Variants in PRELID2 observed in about 807,000 individuals in gnomAD.
PRELID2 encodes PRELI domain-containing protein 2.
In PRELID2, 25 loss-of-function variants were observed where a neutral mutation model predicts 28.4. The ratio of observed to expected loss-of-function variants is 0.88; its 90% confidence interval spans 0.64 to 1.23. PRELID2 has a LOEUF of 1.23. Ranked by LOEUF, PRELID2 falls within the 50% of genes most tolerant of loss-of-function variation. The pLI is 0.00. For missense variants in PRELID2, 201 were observed against 214.4 expected, an observed-to-expected ratio of 0.94 and a Z score of 0.39; for synonymous variants, 76 against 71.6, an observed-to-expected ratio of 1.06 and a Z score of -0.31.
At chr5:145,278,104 G>C in the PRELID2 span, among the ~76,000 whole-genome samples, 1 of 152,084 alleles carries the variant, frequency 6.6e-6, no homozygotes, top group African/African-American at 2.4e-5. Context: ...GCAATCTGAA[G>C]CCCAACATGC....
At chr5:145,318,340 A>T in the PRELID2 span, among the ~76,000 whole-genome samples, 1 of 152,060 alleles carries the variant, frequency 6.6e-6, no homozygotes, top group African/African-American at 2.4e-5. Flanking sequence ...CTTTACTAAA[A>T]CTCTCATGAC....
At chr5:145,616,394 CA>C (rs1182588103) in intron 1 of PRELID2, among the ~76,000 whole-genome samples, 1 of 152,124 alleles carries the variant, frequency 6.6e-6, no homozygotes, top group Non-Finnish European at 1.5e-5. Flanking sequence ...AGGTTGGTAT[CA>C]GGGGAAATTC....
At chr5:145,713,010 G>GA (rs1319838533) in intron 1 of PRELID2, among the ~76,000 whole-genome samples, 3 of 151,558 alleles carry the variant, frequency 2.0e-5, no homozygotes, top group South Asian at 2.1e-4. Flanking sequence ...AATACATACA[G>GA]AAAAAAGAAT....
the PRELID2 span, among the ~76,000 whole-genome samples, chr5:145,314,740 T>C: frequency 6.6e-6 from 1 of 152,008 alleles, no homozygotes; most frequent in African/African-American, 2.4e-5. Context: ...GCACTATAAA[T>C]TAAGGTCAAG....
chr5:145,709,046 C>G (rs1355335172), intron 1 of PRELID2, among the ~76,000 whole-genome samples: 1 of 152,230 alleles, frequency 6.6e-6, no homozygotes, highest in Non-Finnish European at 1.5e-5. Context: ...GATCCTATGG[C>G]ATAAACATGG....
chr5:145,504,532 G>A lies in PRELID2; in HGVS notation n.71-31217C>T, dbSNP rs548669122. Among the ~76,000 whole-genome samples the A allele has an allele frequency of 6.3e-4, 96 of 152,250 alleles. 3 individuals carry two copies. The highest frequency in any genetic ancestry group is 2.1e-3 in the African/African-American group (87 of 41,548). ...TTGAAATTTCTTTCAGTGGACAGATGACCACAGGCAGAACAGGTAAGGCAA... is the reference window on the plus strand; with the variant it reads ...TTGAAATTTCTTTCAGTGGACAGATAACCACAGGCAGAACAGGTAAGGCAA... On this transcript the variant is annotated intron_variant and non_coding_transcript_variant, in intron 1 of 2. Transcript: ENST00000510259.
chr5:145,441,205 ATAT>A, the PRELID2 span: 4 of 152,082 alleles, frequency 2.6e-5, no homozygotes, highest in African/African-American at 9.7e-5. Flanking sequence ...TGCAGCCCAA[ATAT>A]CTCTGGTTGA....
At chr5:145,235,406 G>A in the PRELID2 span, among the ~76,000 whole-genome samples, 1,468 of 152,216 alleles carry the variant, frequency 9.6e-3, 10 homozygotes, top group Non-Finnish European at 0.015. Flanking sequence ...AAGTACATTT[G>A]CTCCTTCAGT....
At chr5:145,790,402 T>C (rs966762330) in intron 5 of PRELID2, among the ~76,000 whole-genome samples, 8 of 152,000 alleles carry the variant, frequency 5.3e-5, no homozygotes, top group African/African-American at 1.9e-4. Flanking sequence ...GAAGGACAAA[T>C]ACCTCATATG....
chr5:145,287,042 C>T, the PRELID2 span, among the ~76,000 whole-genome samples: 2 of 152,172 alleles, frequency 1.3e-5, no homozygotes, highest in Admixed American at 1.3e-4. Flanking sequence ...AAACTGTATT[C>T]TCCTGTAAAT....
At chr5:145,539,761 G>A (rs1752731149) in intron 1 of PRELID2, among the ~76,000 whole-genome samples, 1 of 151,638 alleles carries the variant, frequency 6.6e-6, no homozygotes, top group Non-Finnish European at 1.5e-5. Context: ...AGCCCACTCT[G>A]TGGTGTTTTA....
the PRELID2 span, among the ~76,000 whole-genome samples, chr5:145,332,318 G>C: frequency 1.3e-5 from 2 of 152,118 alleles, no homozygotes; most frequent in South Asian, 2.1e-4. Flanking sequence ...GGTCTGTCTG[G>C]CTAGGCTGGG....
the PRELID2 span, among the ~76,000 whole-genome samples, chr5:145,455,795 G>A: frequency 6.6e-6 from 1 of 152,168 alleles, no homozygotes; most frequent in African/African-American, 2.4e-5. Context: ...AGGGGAGGGA[G>A]CTCCCTGACC....
At chr5:145,416,119 G>C in the PRELID2 span, among the ~76,000 whole-genome samples, 4 of 151,994 alleles carry the variant, frequency 2.6e-5, no homozygotes, top group Non-Finnish European at 5.9e-5. Context: ...CCCACTTTTT[G>C]ATGGGGTTGT....
chr5:145,528,455 G>C (rs1752626748), intron 1 of PRELID2, among the ~76,000 whole-genome samples: 1 of 152,094 alleles, frequency 6.6e-6, no homozygotes, highest in Non-Finnish European at 1.5e-5. Context: ...TCACCCAACA[G>C]AGAGCAGGTT....
At chr5:145,432,430 T>TAAAAAA in the PRELID2 span, among the ~76,000 whole-genome samples, 1 of 133,464 alleles carries the variant, frequency 7.5e-6, no homozygotes, top group Non-Finnish European at 1.6e-5. Context: ...CTCAAGTTGT[T>TAAAAAA]AAAAAAAAAA....
downstream of PRELID2, among the ~76,000 whole-genome samples, chr5:145,466,918 A>G (rs1752007488): frequency 6.6e-6 from 1 of 152,086 alleles, no homozygotes; most frequent in African/African-American, 2.4e-5. Flanking sequence ...CTGTCCATAA[A>G]AATGAAAAAT....
intron 1 of PRELID2, among the ~76,000 whole-genome samples, chr5:145,519,541 C>T (rs551234341): frequency 6.6e-6 from 1 of 152,308 alleles, no homozygotes; most frequent in Admixed American, 6.5e-5. Context: ...AAAACATTAA[C>T]TTGCCTTACC....
the PRELID2 span, among the ~76,000 whole-genome samples, chr5:145,364,821 C>A: frequency 1.3e-5 from 2 of 152,002 alleles, no homozygotes; most frequent in Non-Finnish European, 2.9e-5. Context: ...TGATTCCCTG[C>A]ATATCCTGAC....
Sources: gnomAD v4.1 joint callset for allele counts (sites outside exome capture counted in the v4.1 genomes callset) on GRCh38, gnomAD v4.1.1 for gene constraint, MANE v1.5 for transcripts, NCBI Gene and HGNC (gene_info 2026-07-23, HGNC 2026-07-21) for gene names.